The following SCHIP1 variants were observed in gnomAD, a reference collection of about 807,000 sequenced individuals.
SCHIP1 encodes the protein schwannomin interacting protein 1, also known as schwannomin-interacting protein 1.
SCHIP1 carries 8 observed loss-of-function variants against 29.7 expected under a neutral mutation model. The ratio of observed to expected loss-of-function variants is 0.27; its 90% CI spans 0.16 to 0.49. The LOEUF (loss-of-function observed/expected upper bound fraction) is 0.49. Among genes scored for constraint, SCHIP1 ranks in the 20% least tolerant of loss-of-function variants. The pLI is 0.99. For synonymous variants in SCHIP1, 76 were observed against 94.9 expected (o/e 0.80, Z 1.16); for missense variants, 193 against 294.6 (o/e 0.66, Z 2.52).
the SCHIP1 span, among the ~76,000 whole-genome samples, chr3:159,388,467 A>C: frequency 6.6e-6 from 1 of 152,128 alleles, no homozygotes; most frequent in Non-Finnish European, 1.5e-5. Flanking sequence ...TAGATAAAAG[A>C]TTTAGTAATT....
chr3:159,597,738 C>T, the SCHIP1 span, among the ~76,000 whole-genome samples: 3 of 152,096 alleles, frequency 2.0e-5, no homozygotes, highest in East Asian at 1.9e-4. Context: ...GCAATAAACA[C>T]GAAAGTGCAA....
At chr3:159,354,892 C>T in the SCHIP1 span, among the ~76,000 whole-genome samples, 1 of 152,024 alleles carries the variant, frequency 6.6e-6, no homozygotes, top group Non-Finnish European at 1.5e-5. Flanking sequence ...AGAAAAGAAC[C>T]GCAGAAAGCA....
chr3:159,373,248 A>T, the SCHIP1 span, among the ~76,000 whole-genome samples: 54 of 151,538 alleles, frequency 3.6e-4, no homozygotes, highest in South Asian at 0.011. Context: ...TATTACAGTT[A>T]TATACATATA....
chr3:159,711,382 AAAAAAAAAAAAAAAAGAAATTT>A, the SCHIP1 span, among the ~76,000 whole-genome samples: 1 of 79,878 alleles, frequency 1.3e-5, no homozygotes, highest in Non-Finnish European at 2.1e-5. Flanking sequence ...AAAAAAAAAA[AAAAAAAAAAAAAAAAGAAATTT>A]AAAAAAAAAA....
chr3:159,714,701 G>A, the SCHIP1 span, among the ~76,000 whole-genome samples: 4 of 152,228 alleles, frequency 2.6e-5, no homozygotes, highest in Non-Finnish European at 5.9e-5. Context: ...TGGGGAAGGG[G>A]TGCCCGCCAT....
the SCHIP1 span, among the ~76,000 whole-genome samples, chr3:159,288,032 T>C: frequency 6.6e-6 from 1 of 152,170 alleles, no homozygotes; most frequent in Non-Finnish European, 1.5e-5. Context: ...AGAAGAAAAG[T>C]ATTGATGTGC....
the SCHIP1 span, among the ~76,000 whole-genome samples, chr3:159,677,930 G>A: frequency 9.9e-5 from 15 of 152,240 alleles, no homozygotes; most frequent in Middle Eastern, 3.4e-3. Context: ...CGAAGTCACG[G>A]CCTCAAGCAG....
chr3:159,821,054 C>G, the SCHIP1 span, among the ~76,000 whole-genome samples: 3 of 152,040 alleles, frequency 2.0e-5, no homozygotes, highest in African/African-American at 4.8e-5. Context: ...GACTACAGCT[C>G]CAGTGGGTAA....
the SCHIP1 span, chr3:159,398,910 T>C: frequency 1.0e-6 from 1 of 959,786 alleles, no homozygotes; most frequent in Non-Finnish European, 1.2e-6. Flanking sequence ...GACAGTCAGA[T>C]ATACTATACA....
chr3:159,372,835 C>A, the SCHIP1 span, among the ~76,000 whole-genome samples: 2 of 152,144 alleles, frequency 1.3e-5, 1 homozygote, highest in South Asian at 4.1e-4. Context: ...ACCATTTGTG[C>A]AATTACATGT....
chr3:159,479,233 A>G, the SCHIP1 span, among the ~76,000 whole-genome samples: 1 of 152,182 alleles, frequency 6.6e-6, no homozygotes, highest in African/African-American at 2.4e-5. Context: ...GAGATTACTA[A>G]TGAGTATTAT....
the SCHIP1 span, among the ~76,000 whole-genome samples, chr3:159,711,182 A>C: frequency 6.6e-6 from 1 of 151,842 alleles, no homozygotes; most frequent in African/African-American, 2.4e-5. Context: ...TCAAAATGAA[A>C]GAATAATATT....
chr3:159,637,785 T>A, the SCHIP1 span, among the ~76,000 whole-genome samples: 5 of 152,194 alleles, frequency 3.3e-5, no homozygotes, highest in Admixed American at 3.3e-4. Flanking sequence ...TTCCCAAGGA[T>A]TAGCTATAAA....
At chr3:159,747,584 C>T in the SCHIP1 span, among the ~76,000 whole-genome samples, 1 of 152,094 alleles carries the variant, frequency 6.6e-6, no homozygotes, top group Non-Finnish European at 1.5e-5. Flanking sequence ...GGACGACGTG[C>T]CCAAGTATAT....
At chr3:159,731,280 T>C in the SCHIP1 span, among the ~76,000 whole-genome samples, 1 of 152,230 alleles carries the variant, frequency 6.6e-6, no homozygotes, top group Non-Finnish European at 1.5e-5. Flanking sequence ...CATTTTATAA[T>C]TACTTTTAAT....
the SCHIP1 span, among the ~76,000 whole-genome samples, chr3:159,833,823 A>G: frequency 6.6e-6 from 1 of 152,152 alleles, no homozygotes; most frequent in Non-Finnish European, 1.5e-5. Context: ...TCCTTCTGCT[A>G]ACTTCCCTGT....
chr3:159,313,158 AG>A, the SCHIP1 span, among the ~76,000 whole-genome samples: 1 of 152,202 alleles, frequency 6.6e-6, no homozygotes, highest in Non-Finnish European at 1.5e-5. Context: ...AACAACAAAA[AG>A]CTTCTTTATC....
At chr3:159,750,325 A>G in the SCHIP1 span, among the ~76,000 whole-genome samples, 1 of 150,922 alleles carries the variant, frequency 6.6e-6, no homozygotes, top group Non-Finnish European at 1.5e-5. Context: ...ACACACGTAT[A>G]CATATATATG....
chr3:159,759,953 G>A, the SCHIP1 span, among the ~76,000 whole-genome samples: 11 of 151,918 alleles, frequency 7.2e-5, no homozygotes, highest in African/African-American at 2.7e-4. Flanking sequence ...CCTATAAATA[G>A]CACTGACCCC....
Sources: allele counts gnomAD v4.1 joint callset (sites outside exome capture counted in the v4.1 genomes callset), GRCh38; gene constraint gnomAD v4.1.1; transcripts MANE v1.5; gene names NCBI Gene and HGNC (gene_info 2026-07-23, HGNC 2026-07-21).